TRPC4AP: variants seen among roughly 807,000 people sequenced by gnomAD.
TRPC4AP encodes the protein transient receptor potential cation channel subfamily C member 4 associated protein.
Under a neutral mutation model 99.0 loss-of-function variants are expected in TRPC4AP, and 45 were observed. That is an observed-to-expected ratio of 0.45 (90% CI 0.36 to 0.58). The LOEUF (loss-of-function observed/expected upper bound fraction) is 0.58. Among genes scored for constraint, TRPC4AP ranks in the 20% least tolerant of loss-of-function variants. The probability of loss-of-function intolerance (pLI) is 0.00; values close to 1 mark genes in which losing one functional copy is unlikely to be tolerated. For synonymous variants in TRPC4AP, 408 were observed against 385.8 expected, an observed-to-expected ratio of 1.06 and a Z score of -0.67; for missense variants, 879 against 985.3, an observed-to-expected ratio of 0.89 and a Z score of 1.44.
At chr20:35,055,125 CCCCT>C in intron 4 of TRPC4AP, 94 bp from the exon 5 acceptor site, 2 of 1,089,552 alleles carry the variant, frequency 1.8e-6, no homozygotes, top group Non-Finnish European at 2.8e-6. Context: ...CTGTTATAAT[CCCCT>C]CCAAGATGAT....
At chr20:35,076,679 G>A (rs2084488591) in intron 2 of TRPC4AP, among the ~76,000 whole-genome samples, 1 of 152,188 alleles carries the variant, frequency 6.6e-6, no homozygotes, top group Non-Finnish European at 1.5e-5. Context: ...CCCCTACTGG[G>A]AGGTGTCTCC....
chr20:35,064,281 C>T (rs1299540317), intron 3 of TRPC4AP, among the ~76,000 whole-genome samples: 4 of 152,228 alleles, frequency 2.6e-5, no homozygotes. Context: ...GGCAGCATGT[C>T]CAAGACACCT....
intron 6 of TRPC4AP, among the ~76,000 whole-genome samples, chr20:35,045,713 A>G (rs979960534): frequency 3.3e-5 from 5 of 151,608 alleles, no homozygotes; most frequent in Admixed American, 1.3e-4. Context: ...TAATTTTTGT[A>G]TTTTTTAGTA....
intron 2 of TRPC4AP, among the ~76,000 whole-genome samples, chr20:35,077,587 C>T (rs892616307): frequency 1.3e-5 from 2 of 152,188 alleles, no homozygotes; most frequent in South Asian, 4.1e-4. Flanking sequence ...AACAATTATC[C>T]TAGCATAATG....
At chr20:35,046,133 T>G (rs1180500153) in intron 6 of TRPC4AP, among the ~76,000 whole-genome samples, 5 of 152,220 alleles carry the variant, frequency 3.3e-5, no homozygotes, top group Non-Finnish European at 7.3e-5. Context: ...CAGAAATAAT[T>G]CCAAAACATT....
At chr20:35,054,477 A>G (rs1227157941) in intron 5 of TRPC4AP, among the ~76,000 whole-genome samples, 1 of 152,196 alleles carries the variant, frequency 6.6e-6, no homozygotes, top group Admixed American at 6.5e-5. Context: ...CCAGAACACA[A>G]AATCAGGTCC....
At chr20:35,026,749 G>T (rs1439663216) in intron 8 of TRPC4AP, among the ~76,000 whole-genome samples, 1 of 152,102 alleles carries the variant, frequency 6.6e-6, no homozygotes, top group Non-Finnish European at 1.5e-5. Context: ...TTCTTTCAAT[G>T]ATGTTTTAGA....
At chr20:35,079,519 A>G (rs1396853881) in intron 1 of TRPC4AP, among the ~76,000 whole-genome samples, 1 of 152,204 alleles carries the variant, frequency 6.6e-6, no homozygotes, top group Non-Finnish European at 1.5e-5. Context: ...AAACAGAAGA[A>G]AAAAATAAAA....
At chr20:35,018,623 AAAAG>A (rs1464510234) in intron 9 of TRPC4AP, among the ~76,000 whole-genome samples, 3,651 of 146,840 alleles carry the variant, frequency 0.025, 138 homozygotes, top group African/African-American at 0.093. Flanking sequence ...AAAAAAAAAA[AAAAG>A]AAAGAAAGAA....
At chr20:35,034,439 A>C (rs6142280) in intron 8 of TRPC4AP, among the ~76,000 whole-genome samples, 56,870 of 151,934 alleles carry the variant, frequency 0.37, 12,384 homozygotes, top group East Asian at 0.59. Flanking sequence ...CACCGTGAGT[A>C]CAGTATGGAG....
At chr20:35,089,040 C>CTTT (rs33911641) in intron 1 of TRPC4AP, among the ~76,000 whole-genome samples, 27,282 of 147,400 alleles carry the variant, frequency 0.19, 2,612 homozygotes, top group Middle Eastern at 0.33. Flanking sequence ...AACTATACAC[C>CTTT]TTTTTTTTTT....
intron 4 of TRPC4AP, among the ~76,000 whole-genome samples, chr20:35,057,281 G>C (rs898692723): frequency 1.3e-5 from 2 of 152,168 alleles, no homozygotes; most frequent in African/African-American, 4.8e-5. Flanking sequence ...TGGATCACAG[G>C]ACTATCAAAA....
intron 17 of TRPC4AP, among the ~76,000 whole-genome samples, chr20:35,004,206 C>T (rs964727241): frequency 2.6e-5 from 4 of 152,176 alleles, no homozygotes; most frequent in East Asian, 1.9e-4. Context: ...GTGTGAGGGA[C>T]GTGGACATGG....
chr20:35,019,754 G>A (rs1038134963), intron 9 of TRPC4AP, among the ~76,000 whole-genome samples: 1 of 152,140 alleles, frequency 6.6e-6, no homozygotes, highest in Non-Finnish European at 1.5e-5. Context: ...GTTCCGTATT[G>A]AAGGAAGGGA....
chr20:35,042,600 C>T (rs2083467209), intron 7 of TRPC4AP, among the ~76,000 whole-genome samples: 2 of 152,156 alleles, frequency 1.3e-5, no homozygotes, highest in South Asian at 4.1e-4. Context: ...CCATAAGGTA[C>T]ACAGTGATAG....
intron 8 of TRPC4AP, among the ~76,000 whole-genome samples, chr20:35,025,948 A>C (rs1183474069): frequency 6.6e-6 from 1 of 152,136 alleles, no homozygotes; most frequent in Non-Finnish European, 1.5e-5. Context: ...TTAATTTTGT[A>C]TATGACATAA....
chr20:35,015,876 G>A, intron 10 of TRPC4AP, 132 bp downstream of exon 10: 1 of 1,141,804 alleles, frequency 8.8e-7, no homozygotes, highest in South Asian at 1.6e-5. Flanking sequence ...TTCCAATTAG[G>A]GGACTATAAG....
chr20:35,017,993 G>A (rs976290503), intron 9 of TRPC4AP, among the ~76,000 whole-genome samples: 3 of 152,158 alleles, frequency 2.0e-5, no homozygotes, highest in Admixed American at 6.5e-5. Flanking sequence ...TGGGGGTGGG[G>A]AGGTACGGCT....
intron 5 of TRPC4AP, among the ~76,000 whole-genome samples, 189 bp downstream of exon 5, chr20:35,054,787 C>T (rs1432810668): frequency 6.6e-6 from 1 of 152,182 alleles, no homozygotes; most frequent in African/African-American, 2.4e-5. Context: ...TTAACAACTG[C>T]TACAAAATTC....
Sources: gnomAD v4.1 joint callset for allele counts (sites outside exome capture counted in the v4.1 genomes callset) on GRCh38, gnomAD v4.1.1 for gene constraint, MANE v1.5 for transcripts, NCBI Gene and HGNC (gene_info 2026-07-23, HGNC 2026-07-21) for gene names.